The following SLC16A12 variants were observed in gnomAD, a reference collection of about 807,000 sequenced individuals.
SLC16A12 encodes solute carrier family 16 member 12.
A neutral mutation model predicts 42.4 loss-of-function variants in SLC16A12; 17 were observed. That is an observed-to-expected ratio of 0.40 (90% CI 0.27 to 0.60). SLC16A12 has a LOEUF of 0.60. Ranked by LOEUF, SLC16A12 falls within the 20% of genes least tolerant of loss-of-function variation. The pLI is 0.42. For synonymous variants in SLC16A12, 224 were observed against 229.4 expected (o/e 0.98, Z 0.21); for missense variants, 544 against 623.0 (o/e 0.87, Z 1.35).
chr10:89,497,490 T>TA (rs1186485471), intron 2 of SLC16A12, among the ~76,000 whole-genome samples: 1 of 151,924 alleles, frequency 6.6e-6, no homozygotes, highest in African/African-American at 2.4e-5. Flanking sequence ...AAATGAAAAA[T>TA]AAAAGCACAG....
upstream of SLC16A12, among the ~76,000 whole-genome samples, chr10:89,536,660 T>G (rs1273966613): frequency 6.6e-6 from 1 of 152,034 alleles, no homozygotes; most frequent in East Asian, 1.9e-4. Flanking sequence ...TCTTGGAGCC[T>G]ACGTCCTCAC....
At chr10:89,446,045 G>T (rs1841995149) in intron 3 of SLC16A12, among the ~76,000 whole-genome samples, 1 of 152,064 alleles carries the variant, frequency 6.6e-6, no homozygotes, top group South Asian at 2.1e-4. Context: ...AATGAGAAGA[G>T]AAGTTTAGAG....
intron 4 of SLC16A12, among the ~76,000 whole-genome samples, chr10:89,443,472 C>T (rs1280530216): frequency 6.6e-6 from 1 of 152,218 alleles, no homozygotes; most frequent in East Asian, 1.9e-4. Flanking sequence ...CTAGAATGCT[C>T]AGCGTCCTAT....
intron 2 of SLC16A12, among the ~76,000 whole-genome samples, chr10:89,497,245 T>C (rs1413922967): frequency 1.3e-5 from 2 of 152,182 alleles, no homozygotes; most frequent in African/African-American, 4.8e-5. Context: ...ATAAAGTCTA[T>C]TAATTAAACA....
At chr10:89,442,067 A>C (rs927823398) in intron 4 of SLC16A12, among the ~76,000 whole-genome samples, 2 of 152,220 alleles carry the variant, frequency 1.3e-5, no homozygotes, top group African/African-American at 4.8e-5. Context: ...CCTTCTAAGG[A>C]AAAATTCATG....
At chr10:89,506,756 G>C (rs1035941506) in intron 2 of SLC16A12, among the ~76,000 whole-genome samples, 1 of 152,082 alleles carries the variant, frequency 6.6e-6, no homozygotes, top group Non-Finnish European at 1.5e-5. Context: ...GGCTTCAGAA[G>C]GTGGGTAATA....
At chr10:89,439,598 AC>A (rs1405217532) in intron 5 of SLC16A12, among the ~76,000 whole-genome samples, 1 of 152,080 alleles carries the variant, frequency 6.6e-6, no homozygotes, top group African/African-American at 2.4e-5. Flanking sequence ...AATCTGCACC[AC>A]TCTGGAATTT....
At chr10:89,483,652 A>G (rs183563201) in intron 2 of SLC16A12, among the ~76,000 whole-genome samples, 6 of 150,160 alleles carry the variant, frequency 4.0e-5, no homozygotes, top group Admixed American at 2.7e-4. Context: ...GCTTAAGTCC[A>G]TGACTTTGAG....
chr10:89,454,851 T>C (rs1444856456), intron 3 of SLC16A12, among the ~76,000 whole-genome samples: 1 of 152,142 alleles, frequency 6.6e-6, no homozygotes, highest in South Asian at 2.1e-4. Flanking sequence ...ACTGTTACCC[T>C]GTGACAGAAA....
At chr10:89,541,313 AG>A (rs1411878200) in intron 2 of SLC16A12, among the ~76,000 whole-genome samples, 2 of 152,140 alleles carry the variant, frequency 1.3e-5, no homozygotes, top group Non-Finnish European at 2.9e-5. Flanking sequence ...ACATGGATTG[AG>A]GATGGGTATG....
At chr10:89,473,239 T>C (rs1207152910) in intron 2 of SLC16A12, among the ~76,000 whole-genome samples, 1 of 152,152 alleles carries the variant, frequency 6.6e-6, no homozygotes, top group Non-Finnish European at 1.5e-5. Flanking sequence ...GGTTGAAGAC[T>C]TACATTAACT....
At chr10:89,497,073 T>G (rs1409119367) in intron 2 of SLC16A12, among the ~76,000 whole-genome samples, 1 of 152,342 alleles carries the variant, frequency 6.6e-6, no homozygotes, top group African/African-American at 2.4e-5. Context: ...AGGCTTTAGT[T>G]AATAATAAAG....
chr10:89,539,859 T>TTCTTTC (rs1270682613), upstream of SLC16A12, among the ~76,000 whole-genome samples: 4 of 116,978 alleles, frequency 3.4e-5, no homozygotes, highest in African/African-American at 1.1e-4. Flanking sequence ...AAACAAATTT[T>TTCTTTC]TCTTTCTTTC....
intron 2 of SLC16A12, among the ~76,000 whole-genome samples, chr10:89,555,345 G>A (rs1222971913): frequency 6.6e-6 from 1 of 151,388 alleles, no homozygotes; most frequent in East Asian, 1.9e-4. Flanking sequence ...AATAGACAGG[G>A]ATAATGAGCT....
At chr10:89,491,086 C>T (rs1842839946) in intron 2 of SLC16A12, among the ~76,000 whole-genome samples, 1 of 152,210 alleles carries the variant, frequency 6.6e-6, no homozygotes, top group African/African-American at 2.4e-5. Context: ...TATTACATGA[C>T]TTCTCCCATG....
chr10:89,503,553 T>C (rs1052943949), intron 2 of SLC16A12, among the ~76,000 whole-genome samples: 1 of 152,188 alleles, frequency 6.6e-6, no homozygotes, highest in African/African-American at 2.4e-5. Context: ...CGAAGTCCAG[T>C]AAGGGCATGG....
intron 2 of SLC16A12, among the ~76,000 whole-genome samples, chr10:89,515,965 G>A (rs531814467): frequency 6.6e-6 from 1 of 152,230 alleles, no homozygotes; most frequent in East Asian, 1.9e-4. Context: ...TATATCATCA[G>A]ACCAAGCAGA....
At chr10:89,550,700 G>A (rs546968088) in intron 2 of SLC16A12, among the ~76,000 whole-genome samples, 2 of 144,642 alleles carry the variant, frequency 1.4e-5, no homozygotes, top group Non-Finnish European at 3.0e-5. Context: ...CCCATATCTC[G>A]CTATACTTAG....
intron 2 of SLC16A12, among the ~76,000 whole-genome samples, chr10:89,483,915 A>T (rs1001219920): frequency 3.9e-5 from 6 of 152,192 alleles, no homozygotes; most frequent in African/African-American, 1.4e-4. Context: ...GGTCAAGTGC[A>T]TAGTCTTTTG....
Sources: gnomAD v4.1 joint callset for allele counts (sites outside exome capture counted in the v4.1 genomes callset) on GRCh38, gnomAD v4.1.1 for gene constraint, MANE v1.5 for transcripts, NCBI Gene and HGNC (gene_info 2026-07-23, HGNC 2026-07-21) for gene names.